The following SPATA17 variants were observed in gnomAD, a reference collection of about 807,000 sequenced individuals.
SPATA17 encodes spermatogenesis associated 17.
A neutral mutation model predicts 62.2 loss-of-function variants in SPATA17; 53 were observed. That is an observed-to-expected ratio of 0.85 (90% CI 0.68 to 1.07). SPATA17 has a LOEUF of 1.07. Among genes scored for constraint, SPATA17 ranks in the 50% least tolerant of loss-of-function variants. The pLI is 0.00. For missense variants in SPATA17, 466 were observed against 425.5 expected, an observed-to-expected ratio of 1.10 and a Z score of -0.84; for synonymous variants, 146 against 146.8, an observed-to-expected ratio of 0.99 and a Z score of 0.04.
intron 7 of SPATA17, 58 bp from the exon 8 acceptor site, chr1:217,782,116 C>T (rs1673740743): frequency 6.8e-7 from 1 of 1,476,874 alleles, no homozygotes; most frequent in Non-Finnish European, 9.0e-7. Context: ...CCTTGGTCAT[C>T]AGTAATACCT....
At chr1:217,849,153 T>A (rs1675590962) in intron 9 of SPATA17, among the ~76,000 whole-genome samples, 1 of 152,194 alleles carries the variant, frequency 6.6e-6, no homozygotes, top group Non-Finnish European at 1.5e-5. Context: ...CTCCATCTTT[T>A]ATGTTAGATG....
At chr1:217,789,902 T>C (rs1219873462) in intron 8 of SPATA17, among the ~76,000 whole-genome samples, 1 of 152,076 alleles carries the variant, frequency 6.6e-6, no homozygotes, top group African/African-American at 2.4e-5. Context: ...CCAAGTGTGG[T>C]GGTGGGCACC....
intron 9 of SPATA17, among the ~76,000 whole-genome samples, chr1:217,859,380 T>A (rs1469251389): frequency 6.6e-6 from 1 of 151,200 alleles, no homozygotes; most frequent in Non-Finnish European, 1.5e-5. Flanking sequence ...AATGTTATTT[T>A]ATTATTTTTT....
chr1:217,702,692 A>T (rs887926788), intron 5 of SPATA17, among the ~76,000 whole-genome samples: 14 of 152,094 alleles, frequency 9.2e-5, no homozygotes, highest in African/African-American at 3.4e-4. Flanking sequence ...ACTATTTCCT[A>T]GTGGGTTCAG....
chr1:217,762,007 A>G (rs1673183763), intron 6 of SPATA17, among the ~76,000 whole-genome samples: 1 of 152,106 alleles, frequency 6.6e-6, no homozygotes, highest in Non-Finnish European at 1.5e-5. Flanking sequence ...ACCTCTTCGT[A>G]GCATCTGACA....
intron 8 of SPATA17, among the ~76,000 whole-genome samples, chr1:217,793,626 T>C (rs545956921): frequency 6.6e-6 from 1 of 152,306 alleles, no homozygotes; most frequent in East Asian, 1.9e-4. Flanking sequence ...AGTAGGCATA[T>C]ATATTTGCAA....
At chr1:217,697,835 T>C (rs2102916828) in intron 5 of SPATA17, among the ~76,000 whole-genome samples, 1 of 152,346 alleles carries the variant, frequency 6.6e-6, no homozygotes, top group Non-Finnish European at 1.5e-5. Context: ...GGTTAATAGA[T>C]ATTCATGACT....
chr1:217,658,231 G>C (rs1368784370), intron 3 of SPATA17, among the ~76,000 whole-genome samples: 4 of 152,128 alleles, frequency 2.6e-5, no homozygotes. Context: ...GATCCCTCAT[G>C]AAAGACTTGG....
chr1:217,635,013 A>G (rs998986442), intron 1 of SPATA17, among the ~76,000 whole-genome samples: 2 of 152,056 alleles, frequency 1.3e-5, no homozygotes, highest in African/African-American at 4.8e-5. Context: ...TTGGTCATTT[A>G]TACTATACAC....
chr1:217,809,932 C>T (rs1316202907), intron 9 of SPATA17, among the ~76,000 whole-genome samples: 6 of 152,302 alleles, frequency 3.9e-5, no homozygotes, highest in Admixed American at 2.0e-4. Context: ...GTAATGTGAT[C>T]TGTATCCCAT....
At chr1:217,802,998 C>T (rs745490164) in intron 9 of SPATA17, among the ~76,000 whole-genome samples, 2 of 152,076 alleles carry the variant, frequency 1.3e-5, no homozygotes, top group African/African-American at 2.4e-5. Flanking sequence ...CTGCAACCTC[C>T]GCCCCTCAGA....
At chr1:217,844,705 A>C (rs2103008503) in intron 9 of SPATA17, among the ~76,000 whole-genome samples, 1 of 152,262 alleles carries the variant, frequency 6.6e-6, no homozygotes, top group South Asian at 2.1e-4. Context: ...TGGGCTTTCT[A>C]AGCTAATCCC....
chr1:217,702,195 T>C (rs112040729), intron 5 of SPATA17, among the ~76,000 whole-genome samples: 1,682 of 152,268 alleles, frequency 0.011, 27 homozygotes, highest in African/African-American at 0.032. Flanking sequence ...CTTAACATGT[T>C]TGCAAATTCT....
intron 3 of SPATA17, among the ~76,000 whole-genome samples, chr1:217,659,014 A>G (rs1446155176): frequency 3.9e-5 from 6 of 152,116 alleles, no homozygotes; most frequent in Admixed American, 1.3e-4. Context: ...GAAAAACCTG[A>G]TGATATTACT....
chr1:217,816,600 A>T (rs1183185428), intron 9 of SPATA17, among the ~76,000 whole-genome samples: 1 of 151,984 alleles, frequency 6.6e-6, no homozygotes, highest in Non-Finnish European at 1.5e-5. Flanking sequence ...AAAGTTTGCT[A>T]TTGGATACAT....
chr1:217,783,979 T>C (rs1272404379), intron 8 of SPATA17, among the ~76,000 whole-genome samples: 1 of 152,134 alleles, frequency 6.6e-6, no homozygotes, highest in Non-Finnish European at 1.5e-5. Flanking sequence ...AAGTTGCAGA[T>C]GCTAAAAAAA....
intron 5 of SPATA17, among the ~76,000 whole-genome samples, chr1:217,699,274 A>T (rs1421739659): frequency 6.6e-6 from 1 of 152,156 alleles, no homozygotes; most frequent in Non-Finnish European, 1.5e-5. Context: ...TCTACAGGGA[A>T]CTGTAAAACT....
chr1:217,631,375 G>A lies in SPATA17; in HGVS notation c.-4G>A, dbSNP rs555188555. 2.6e-4 allele frequency: 421 copies of A among 1,614,098 alleles called. 6 individuals are homozygous for A. The South Asian group carries it at 4.4e-3, about 17-fold the overall frequency. ...ACCAGTTGTAAACCCAAGGCCAAGA[G>A]ACCATGGCCACGTTAGCCCGGCTGC... On this transcript the variant is annotated 5_prime_UTR_variant, in exon 1 of 11. Transcript: ENST00000366933.
intron 5 of SPATA17, among the ~76,000 whole-genome samples, chr1:217,715,890 T>G (rs1671992112): frequency 6.6e-6 from 1 of 152,216 alleles, no homozygotes; most frequent in East Asian, 1.9e-4. Context: ...TATATCAATA[T>G]TTGTGTTAAA....
Sources: allele counts gnomAD v4.1 joint callset (sites outside exome capture counted in the v4.1 genomes callset), GRCh38; gene constraint gnomAD v4.1.1; transcripts MANE v1.5; gene names NCBI Gene and HGNC (gene_info 2026-07-23, HGNC 2026-07-21).